GNB1: variants seen among roughly 807,000 people sequenced by gnomAD.
GNB1 encodes the protein guanine nucleotide-binding protein G(I)/G(S)/G(T) subunit beta-1.
GNB1 carries 2 observed loss-of-function variants against 42.9 expected under a neutral mutation model. The ratio of observed to expected loss-of-function variants is 0.05; its 90% CI spans 0.02 to 0.15. GNB1 has a LOEUF of 0.15. Among genes scored for constraint, GNB1 ranks in the 10% least tolerant of loss-of-function variants. The probability of loss-of-function intolerance (pLI) is 1.00; values close to 1 mark genes in which losing one functional copy is unlikely to be tolerated. For synonymous variants in GNB1, 183 were observed against 174.7 expected (o/e 1.05, Z -0.38); for missense variants, 193 against 462.2 (o/e 0.42, Z 5.34).
intron 1 of GNB1, among the ~76,000 whole-genome samples, chr1:1,866,988 C>T (rs1374817308): frequency 7.9e-5 from 12 of 151,762 alleles, no homozygotes; most frequent in African/African-American, 2.2e-4. Flanking sequence ...AATTCTAGGC[C>T]GGGTGCAGTG....
chr1:1,850,360 G>A (rs1057283617), intron 1 of GNB1, among the ~76,000 whole-genome samples: 2 of 151,844 alleles, frequency 1.3e-5, no homozygotes, highest in Non-Finnish European at 2.9e-5. Flanking sequence ...TCGAACTCCC[G>A]ACCTCAGGTG....
At chr1:1,876,791 A>C (rs1649569942) in intron 1 of GNB1, among the ~76,000 whole-genome samples, 1 of 152,202 alleles carries the variant, frequency 6.6e-6, no homozygotes, top group Admixed American at 6.6e-5. Flanking sequence ...CATGTCATTC[A>C]GTCCTCACAA....
chr1:1,806,019 T>TA (rs1298677325), intron 6 of GNB1, among the ~76,000 whole-genome samples: 1 of 152,236 alleles, frequency 6.6e-6, no homozygotes, highest in East Asian at 1.9e-4. Flanking sequence ...CCAATGACAA[T>TA]ACTTTTTATT....
chr1:1,868,549 G>A (rs965223320), intron 1 of GNB1, among the ~76,000 whole-genome samples: 6 of 152,128 alleles, frequency 3.9e-5, no homozygotes, highest in East Asian at 1.9e-4. Flanking sequence ...TTGGGAGGCC[G>A]AGGCAGGTGA....
chr1:1,795,033 G>A (rs1313060429), intron 7 of GNB1, among the ~76,000 whole-genome samples: 1 of 152,204 alleles, frequency 6.6e-6, no homozygotes, highest in East Asian at 1.9e-4. Context: ...AATATGCATA[G>A]ATGACAGAGC....
intron 2 of GNB1, among the ~76,000 whole-genome samples, chr1:1,835,042 C>G (rs963751690): frequency 6.6e-6 from 1 of 152,168 alleles, no homozygotes; most frequent in Non-Finnish European, 1.5e-5. Flanking sequence ...GCCATCTGCA[C>G]TCCAGTATAT....
chr1:1,846,954 A>G (rs1469257386), intron 1 of GNB1, among the ~76,000 whole-genome samples: 1 of 152,192 alleles, frequency 6.6e-6, no homozygotes, highest in Non-Finnish European at 1.5e-5. Context: ...TGTTAAGATA[A>G]CAGGAGAAGC....
chr1:1,837,762 A>T (rs1188845785), intron 2 of GNB1, among the ~76,000 whole-genome samples: 3 of 146,784 alleles, frequency 2.0e-5, no homozygotes, highest in South Asian at 2.4e-4. Flanking sequence ...ACGGGGTTTC[A>T]CCATGTTGGC....
At chr1:1,861,611 G>A (rs757328975) in intron 1 of GNB1, among the ~76,000 whole-genome samples, 12 of 151,902 alleles carry the variant, frequency 7.9e-5, no homozygotes, top group Non-Finnish European at 1.5e-4. Context: ...TTGGTGGTGG[G>A]GGAGAAGTGA....
chr1:1,836,546 G>A (rs562210863), intron 2 of GNB1, among the ~76,000 whole-genome samples: 46 of 151,738 alleles, frequency 3.0e-4, no homozygotes, highest in Non-Finnish European at 5.3e-4. Context: ...CACACAACAC[G>A]ATGCCTGGCT....
At chr1:1,808,212 C>G (rs1269264867) in intron 5 of GNB1, among the ~76,000 whole-genome samples, 1 of 152,022 alleles carries the variant, frequency 6.6e-6, no homozygotes, top group Non-Finnish European at 1.5e-5. Context: ...CCACGTTAAT[C>G]AGGCTGGTCT....
chr1:1,809,704 C>CG (rs1557893863), intron 5 of GNB1, among the ~76,000 whole-genome samples: 1 of 152,116 alleles, frequency 6.6e-6, no homozygotes, highest in African/African-American at 2.4e-5. Context: ...ATTAGGGACA[C>CG]GTAAGCTGTC....
chr1:1,863,341 G>C (rs1314682569), intron 1 of GNB1, among the ~76,000 whole-genome samples: 1 of 152,130 alleles, frequency 6.6e-6, no homozygotes, highest in East Asian at 1.9e-4. Flanking sequence ...TAGCCAACCT[G>C]AGTAATATGT....
intron 1 of GNB1, among the ~76,000 whole-genome samples, chr1:1,882,770 A>G (rs1410183417): frequency 6.6e-6 from 1 of 151,780 alleles, no homozygotes; most frequent in Non-Finnish European, 1.5e-5. Context: ...AAAATACAAA[A>G]ATCAGCTGGG....
chr1:1,786,326 G>C lies in GNB1; in HGVS notation c.*737C>G, dbSNP rs569843778. The stretch of plus-strand genomic sequence containing the variant: ...TCAGGAGGAACATGGTGCTGGATCT[G>C]AGCTCACTTTTCAGCAAAGGTGAAG... On this transcript the variant is annotated 3_prime_UTR_variant, in exon 12 of 12. Transcript: ENST00000378609. 170 of 354,918 alleles carry C rather than the reference G, an allele frequency of 4.8e-4. 1 individual carries two copies. The East Asian group carries it at 6.6e-3, about 14-fold the overall frequency. The allele number at this position is 354,918 out of a possible 1,614,324, so 22.0% of individuals were successfully genotyped here.
intron 7 of GNB1, among the ~76,000 whole-genome samples, chr1:1,799,186 C>T (rs1171177874): frequency 2.0e-5 from 3 of 152,170 alleles, no homozygotes; most frequent in African/African-American, 4.8e-5. Context: ...TCCCAAAGTG[C>T]TGGGATTACA....
At chr1:1,861,999 G>A (rs1395081585) in intron 1 of GNB1, among the ~76,000 whole-genome samples, 2 of 151,962 alleles carry the variant, frequency 1.3e-5, no homozygotes, top group African/African-American at 4.8e-5. Flanking sequence ...CCCGGGGGTC[G>A]GAGGTTGCAG....
At chr1:1,815,217 T>G (rs1646836989) in intron 5 of GNB1, among the ~76,000 whole-genome samples, 1 of 152,074 alleles carries the variant, frequency 6.6e-6, no homozygotes, top group African/African-American at 2.4e-5. Context: ...ACAGGCCAGA[T>G]GAGAGAATGG....
chr1:1,808,231 C>T (rs541175264), intron 5 of GNB1, among the ~76,000 whole-genome samples: 62 of 151,796 alleles, frequency 4.1e-4, no homozygotes, highest in Non-Finnish European at 6.6e-4. Context: ...CTCGAACTCC[C>T]GACCCTCAGG....
Sources: allele counts gnomAD v4.1 joint callset (sites outside exome capture counted in the v4.1 genomes callset), GRCh38; gene constraint gnomAD v4.1.1; transcripts MANE v1.5; gene names NCBI Gene and HGNC (gene_info 2026-07-23, HGNC 2026-07-21).